ZC3H7A: variants seen among roughly 807,000 people sequenced by gnomAD.
The protein encoded by ZC3H7A is zinc finger CCCH domain-containing protein 7A.
ZC3H7A carries 44 observed loss-of-function variants against 125.5 expected under a neutral mutation model. The ratio of observed to expected loss-of-function variants is 0.35; its 90% CI spans 0.28 to 0.45. ZC3H7A has a LOEUF of 0.45. ZC3H7A is among the 20% of genes least tolerant of loss of function. The pLI, the probability that ZC3H7A is intolerant of heterozygous loss-of-function variation, is 1.00. For synonymous variants in ZC3H7A, 399 were observed against 391.2 expected, an observed-to-expected ratio of 1.02 and a Z score of -0.23; for missense variants, 977 against 1,170.7, an observed-to-expected ratio of 0.83 and a Z score of 2.41.
At chr16:11,752,131 C>G (rs1042456656) in intron 22 of ZC3H7A, among the ~76,000 whole-genome samples, 1 of 152,148 alleles carries the variant, frequency 6.6e-6, no homozygotes, top group Admixed American at 6.5e-5. Context: ...GTCTCGAACT[C>G]CTGGCCTCAA....
At chr16:11,790,829 T>A (rs151173067) in intron 1 of ZC3H7A, among the ~76,000 whole-genome samples, 1 of 151,690 alleles carries the variant, frequency 6.6e-6, no homozygotes, top group Non-Finnish European at 1.5e-5. Flanking sequence ...TGAGCCAAGA[T>A]TGCGCCACTG....
At chr16:11,783,207 C>G (rs901127483) in intron 1 of ZC3H7A, among the ~76,000 whole-genome samples, 1 of 152,106 alleles carries the variant, frequency 6.6e-6, no homozygotes, top group African/African-American at 2.4e-5. Flanking sequence ...CCACAAACTT[C>G]CAAAATGATT....
chr16:11,768,978 G>A, intron 11 of ZC3H7A, 53 bp downstream of exon 11: 9 of 1,524,532 alleles, frequency 5.9e-6, no homozygotes, highest in Non-Finnish European at 8.0e-6. Context: ...GGTTACTTAA[G>A]TAACTATTTT....
intron 9 of ZC3H7A, among the ~76,000 whole-genome samples, chr16:11,773,316 C>T (rs1019058381): frequency 2.6e-5 from 4 of 151,874 alleles, no homozygotes; most frequent in African/African-American, 9.7e-5. Flanking sequence ...AGCAGTGGGA[C>T]CACAGGCACG....
At chr16:11,794,181 C>T (rs1052230380) in intron 1 of ZC3H7A, among the ~76,000 whole-genome samples, 6 of 152,144 alleles carry the variant, frequency 3.9e-5, no homozygotes, top group African/African-American at 1.4e-4. Context: ...TACCCAAGAC[C>T]GCCAGCCGAT....
intron 10 of ZC3H7A, 64 bp from the exon 11 acceptor site, chr16:11,769,159 C>A: frequency 1.4e-6 from 2 of 1,401,612 alleles, no homozygotes; most frequent in South Asian, 1.3e-5. Flanking sequence ...AACATCAGGG[C>A]TTAGTAGCTT....
chr16:11,784,279 G>C (rs1003754903), intron 1 of ZC3H7A, among the ~76,000 whole-genome samples: 1 of 152,030 alleles, frequency 6.6e-6, no homozygotes, highest in Non-Finnish European at 1.5e-5. Flanking sequence ...CACCCTTCTA[G>C]CTACTTGGAC....
Position 11,790,978 on chromosome 16 carries a change from G to C in ZC3H7A, c.-35+6146C>G, listed in dbSNP as rs115954311. Among the ~76,000 whole-genome samples, 477 of 151,974 alleles carry C rather than the reference G, an allele frequency of 3.1e-3. 2 individuals carry two copies. Among genetic ancestry groups the C allele is most frequent in the African/African-American group, 0.01 (431 of 41,422 alleles). On this transcript the variant is annotated intron_variant, in intron 1 of 22. Coordinates refer to ENST00000355758, the MANE Select transcript of ZC3H7A (RefSeq NM_014153.4). Reference sequence around the variant, plus strand: ...AGTCTCAGCTACTCAGAGGCTAAGGGAGGAAGATCGCTTAAGCCCAGGTCT... The same window carrying C: ...AGTCTCAGCTACTCAGAGGCTAAGGCAGGAAGATCGCTTAAGCCCAGGTCT...
chr16:11,756,689 C>T (rs1308531505), intron 20 of ZC3H7A, among the ~76,000 whole-genome samples: 2 of 152,220 alleles, frequency 1.3e-5, no homozygotes, highest in African/African-American at 4.8e-5. Flanking sequence ...AAAAGCCTCA[C>T]CACTGCCTCT....
intron 1 of ZC3H7A, among the ~76,000 whole-genome samples, chr16:11,793,547 G>C (rs567846437): frequency 5.3e-5 from 8 of 151,138 alleles, no homozygotes; most frequent in Admixed American, 4.6e-4. Flanking sequence ...AAAAGGGGGT[G>C]GGGGGGAGGA....
At chr16:11,774,831 G>A (rs555700034) in intron 8 of ZC3H7A, 149 bp downstream of exon 8, 2 of 1,005,198 alleles carry the variant, frequency 2.0e-6, no homozygotes, top group Non-Finnish European at 2.9e-6. Flanking sequence ...GGCACAAAGG[G>A]AGCATTGGAA....
intron 21 of ZC3H7A, among the ~76,000 whole-genome samples, chr16:11,755,552 A>G (rs965328932): frequency 1.3e-5 from 2 of 149,728 alleles, no homozygotes; most frequent in African/African-American, 5.1e-5. Flanking sequence ...CCAGCGGGGT[A>G]GACAGCCCAC....
intron 22 of ZC3H7A, 44 bp downstream of exon 22, chr16:11,752,625 A>G (rs1246164864): frequency 6.3e-6 from 10 of 1,579,988 alleles, no homozygotes; most frequent in Non-Finnish European, 8.6e-6. Flanking sequence ...TGAAAATTTG[A>G]GGTCAGCAAT....
intron 1 of ZC3H7A, among the ~76,000 whole-genome samples, chr16:11,792,280 A>G (rs1012274866): frequency 6.6e-6 from 1 of 152,192 alleles, no homozygotes; most frequent in Admixed American, 6.5e-5. Context: ...AATTAACTGA[A>G]CTCTTACAAA....
chr16:11,756,993 A>ATTGCC (rs2052660332), intron 20 of ZC3H7A, among the ~76,000 whole-genome samples: 2 of 24,222 alleles, frequency 8.3e-5, no homozygotes, highest in East Asian at 0.015. Context: ...GCCAAGTGCT[A>ATTGCC]AAGCTGAGGT....
intron 16 of ZC3H7A, 76 bp from the exon 17 acceptor site, chr16:11,762,823 T>G (rs939726084): frequency 3.3e-5 from 46 of 1,399,922 alleles, no homozygotes; most frequent in African/African-American, 4.3e-5. Context: ...CAGTCAGACG[T>G]GGAGAACCTT....
chr16:11,751,449 G>A lies in ZC3H7A; in HGVS notation c.2784C>T (p.Ala928=), dbSNP rs1019906275. 12 of 1,613,906 alleles carry A rather than the reference G, an allele frequency of 7.4e-6. No homozygotes were observed. The African/African-American group carries it at 1.2e-4, about 16-fold the overall frequency. ...GNSCKFAHGN[A]ELHEWEERRD... The stretch of plus-strand genomic sequence containing the variant: ...TTCTTTCTTCCCATTCATGAAGTTC[G>A]GCATTTCCATGTGCAAATTTACAGC... Residue 928 remains alanine (A), a synonymous_variant, in exon 23 of 23, where the codon GCC becomes GCT. Coordinates refer to ENST00000355758, the MANE Select transcript of ZC3H7A (RefSeq NM_014153.4).
At chr16:11,790,531 T>TGTC (rs937573808) in intron 1 of ZC3H7A, among the ~76,000 whole-genome samples, 17 of 152,136 alleles carry the variant, frequency 1.1e-4, no homozygotes, top group African/African-American at 1.4e-4. Flanking sequence ...AAGGTGTTGT[T>TGTC]GTCGTCGTCG....
At chr16:11,761,607 A>T (rs1345900291) in intron 18 of ZC3H7A, 96 bp from the exon 19 acceptor site, 1 of 1,291,268 alleles carries the variant, frequency 7.7e-7, no homozygotes, top group African/African-American at 1.5e-5. Context: ...GGAACCAGAG[A>T]ATTTTTTTCT....
Sources: gnomAD v4.1 joint callset for allele counts (sites outside exome capture counted in the v4.1 genomes callset) on GRCh38, gnomAD v4.1.1 for gene constraint, MANE v1.5 for transcripts, NCBI Gene and HGNC (gene_info 2026-07-23, HGNC 2026-07-21) for gene names.